CDH13: variants seen among roughly 807,000 people sequenced by gnomAD.
CDH13 encodes cadherin 13.
A neutral mutation model predicts 63.8 loss-of-function variants in CDH13; 24 were observed. The ratio of observed to expected loss-of-function variants is 0.38; its 90% confidence interval spans 0.27 to 0.53. The LOEUF is 0.53. Among genes scored for constraint, CDH13 ranks in the 20% least tolerant of loss-of-function variants. The pLI, the probability that CDH13 is intolerant of heterozygous loss-of-function variation, is 0.85. For synonymous variants in CDH13, 503 were observed against 355.3 expected, an observed-to-expected ratio of 1.42 and a Z score of -4.67; for missense variants, 1,049 against 903.1, an observed-to-expected ratio of 1.16 and a Z score of -2.07.
chr16:83,224,085 T>C (rs529941497), intron 5 of CDH13, among the ~76,000 whole-genome samples: 4 of 152,164 alleles, frequency 2.6e-5, no homozygotes, highest in African/African-American at 7.2e-5. Context: ...TGAGAACATA[T>C]GATGTTTGGT....
chr16:83,096,550 G>A (rs2034203288), intron 3 of CDH13, among the ~76,000 whole-genome samples: 4 of 152,252 alleles, frequency 2.6e-5, no homozygotes, highest in South Asian at 4.2e-4. Flanking sequence ...TTGCCACCAC[G>A]ACTCATGATT....
chr16:83,310,610 T>C (rs991342692), intron 5 of CDH13, among the ~76,000 whole-genome samples: 1 of 152,244 alleles, frequency 6.6e-6, no homozygotes, highest in Non-Finnish European at 1.5e-5. Flanking sequence ...GCTCCCACCT[T>C]TCTGCCTTTG....
At chr16:83,211,386 T>C (rs943107090) in intron 4 of CDH13, among the ~76,000 whole-genome samples, 1 of 152,214 alleles carries the variant, frequency 6.6e-6, no homozygotes, top group Non-Finnish European at 1.5e-5. Context: ...AATACACACA[T>C]ATACACATAC....
intron 3 of CDH13, among the ~76,000 whole-genome samples, chr16:83,084,741 T>C (rs1292780943): frequency 2.6e-5 from 4 of 151,944 alleles, no homozygotes; most frequent in Admixed American, 2.6e-4. Context: ...ATATAAAAAT[T>C]AGCCAGGTGT....
intron 2 of CDH13, among the ~76,000 whole-genome samples, chr16:82,956,677 G>A (rs1483473933): frequency 6.6e-6 from 1 of 152,158 alleles, no homozygotes; most frequent in Non-Finnish European, 1.5e-5. Flanking sequence ...CACTCCCTTA[G>A]CAGATGCTTG....
At chr16:83,792,072 T>C (rs988308528) in intron 13 of CDH13, among the ~76,000 whole-genome samples, 6 of 152,354 alleles carry the variant, frequency 3.9e-5, no homozygotes, top group Admixed American at 2.0e-4. Context: ...TTCTAGAATG[T>C]CTTAAAGTGT....
intron 6 of CDH13, among the ~76,000 whole-genome samples, chr16:83,456,136 C>T (rs1173914272): frequency 6.6e-6 from 1 of 152,230 alleles, no homozygotes; most frequent in Non-Finnish European, 1.5e-5. Context: ...AGTGGGGAGT[C>T]ACCTGTGTGC....
chr16:83,428,993 C>G (rs943817517), intron 6 of CDH13, among the ~76,000 whole-genome samples: 4 of 152,252 alleles, frequency 2.6e-5, no homozygotes, highest in Non-Finnish European at 5.9e-5. Context: ...AATATCTTCT[C>G]TCATCCGTTT....
At chr16:83,758,859 T>G (rs1156392996) in intron 11 of CDH13, among the ~76,000 whole-genome samples, 1 of 152,190 alleles carries the variant, frequency 6.6e-6, no homozygotes, top group African/African-American at 2.4e-5. Context: ...TACAAATGAC[T>G]GCCTAAGATA....
At chr16:83,078,064 A>C (rs76041835) in intron 3 of CDH13, among the ~76,000 whole-genome samples, 8,639 of 152,168 alleles carry the variant, frequency 0.057, 688 homozygotes, top group East Asian at 0.37. Context: ...TGCATCCTCC[A>C]TCTGACCTGA....
At chr16:82,882,747 G>T (rs1452693233) in intron 2 of CDH13, among the ~76,000 whole-genome samples, 1 of 150,650 alleles carries the variant, frequency 6.6e-6, no homozygotes, top group Non-Finnish European at 1.5e-5. Flanking sequence ...ACAAAATCTG[G>T]TATTTAATTT....
rs771358036 is a variant in CDH13, at chr16:83,032,191, G to A, written c.339G>A (p.Gly113=). 1.9e-6 allele frequency: 3 copies of A among 1,613,622 alleles called. No individual in the cohort carries two copies. The highest frequency in any genetic ancestry group is 1.3e-5 in the African/African-American group (1 of 75,020). ...ATATGGCAGAACTCGTGATTGTCGGGGGGAAAGACATCCAGGGCTCCTTGC... is the reference window on the plus strand; with the variant it reads ...ATATGGCAGAACTCGTGATTGTCGGAGGGAAAGACATCCAGGGCTCCTTGC... ...AEDMAELVIV[G]GKDIQGSLQD... Residue 113 remains glycine, a synonymous_variant, in exon 3 of 14, where the codon GGG becomes GGA. Transcript: ENST00000567109.
In CDH13 at chr16:82,740,259, G is replaced by A. The variant is rs115526358; in HGVS notation, c.45+113122G>A. On this transcript the variant is annotated intron_variant, in intron 1 of 13. Transcript: ENST00000567109. ...GATTGATTTCTTATGTAAGAGACTT[G>A]AGTACTTTAATTCTGGATGGAAACT... Among the ~76,000 whole-genome samples the A allele has an allele frequency of 8.9e-3, 1,355 of 152,198 alleles. 29 individuals are homozygous for A. Among genetic ancestry groups the A allele is most frequent in the African/African-American group, 0.031 (1,306 of 41,530 alleles).
intron 5 of CDH13, among the ~76,000 whole-genome samples, chr16:83,298,560 G>A (rs1442886463): frequency 6.6e-6 from 1 of 152,148 alleles, no homozygotes; most frequent in Non-Finnish European, 1.5e-5. Context: ...AAGAATCAGT[G>A]GGTTAGAGCT....
At chr16:83,763,833 T>C (rs1265878546) in intron 11 of CDH13, among the ~76,000 whole-genome samples, 1 of 152,136 alleles carries the variant, frequency 6.6e-6, no homozygotes, top group Non-Finnish European at 1.5e-5. Flanking sequence ...AAAAGAACTC[T>C]TAAGATCTGG....
chr16:82,734,901 A>G (rs1419808825), intron 1 of CDH13, among the ~76,000 whole-genome samples: 1 of 152,170 alleles, frequency 6.6e-6, no homozygotes, highest in Non-Finnish European at 1.5e-5. Flanking sequence ...AGCTGGTGCC[A>G]TGGGTCCTGC....
At chr16:82,662,022 T>C (rs1912006728) in intron 1 of CDH13, among the ~76,000 whole-genome samples, 1 of 152,220 alleles carries the variant, frequency 6.6e-6, no homozygotes, top group South Asian at 2.1e-4. Flanking sequence ...GGCTAGTGGT[T>C]CTCATGTGCA....
chr16:82,892,871 T>C lies in CDH13; in HGVS notation c.157+34398T>C, dbSNP rs138679952. ...GTTGGCATTTTACAGTAGTGTCAAGTATGGTAATTATTTTTCATAGATATT... is the reference window on the plus strand; with the variant it reads ...GTTGGCATTTTACAGTAGTGTCAAGCATGGTAATTATTTTTCATAGATATT... On this transcript the variant is annotated intron_variant, in intron 2 of 13. Transcript: ENST00000567109. Among the ~76,000 whole-genome samples, 484 of 152,318 alleles carry C rather than the reference T, an allele frequency of 3.2e-3. 1 individual carries two copies. Among genetic ancestry groups the C allele is most frequent in the African/African-American group, 0.011 (448 of 41,574 alleles).
chr16:83,086,903 CA>C (rs1378802339), intron 3 of CDH13, among the ~76,000 whole-genome samples: 1 of 151,982 alleles, frequency 6.6e-6, no homozygotes, highest in African/African-American at 2.4e-5. Context: ...AGAACGAGAG[CA>C]AAATAAAATT....
Sources: gnomAD v4.1 joint callset for allele counts (sites outside exome capture counted in the v4.1 genomes callset) on GRCh38, gnomAD v4.1.1 for gene constraint, MANE v1.5 for transcripts, NCBI Gene and HGNC (gene_info 2026-07-23, HGNC 2026-07-21) for gene names.